Variants in DNAH2 observed in about 807,000 individuals in gnomAD.
DNAH2 encodes axonemal beta dynein heavy chain 2.
DNAH2 carries 323 observed loss-of-function variants against 523.5 expected under a neutral mutation model. The ratio of observed to expected loss-of-function variants is 0.62; its 90% CI spans 0.56 to 0.68. The LOEUF is 0.68. DNAH2 is among the 30% of genes least tolerant of loss of function. The pLI, the probability that DNAH2 is intolerant of heterozygous loss-of-function variation, is 0.00. For missense variants in DNAH2, 4,907 were observed against 5,701.5 expected (o/e 0.86, Z 4.49); for synonymous variants, 2,093 against 2,177.4 (o/e 0.96, Z 1.08).
At chr17:7,785,141 GC>G (rs1355703096) in intron 39 of DNAH2, among the ~76,000 whole-genome samples, 1 of 143,174 alleles carries the variant, frequency 7.0e-6, no homozygotes, top group Non-Finnish European at 1.5e-5. Context: ...AAGCTCTGTT[GC>G]CCAGGCTGGA....
intron 2 of DNAH2, among the ~76,000 whole-genome samples, chr17:7,721,183 T>C (rs2074593931): frequency 1.3e-5 from 2 of 151,804 alleles, no homozygotes; most frequent in Admixed American, 1.3e-4. Context: ...TTATTTTTTT[T>C]ATTTTTTTGA....
rs943590471 is a variant in DNAH2 at position 7,742,838 on chromosome 17, G to A, written c.1690-90G>A. ...TTATGCATATTGTTGGGGTATGTGC[G>A]CATGCGCGCATGTGTAGGTCTCAGG... On this transcript the variant is annotated intron_variant, in intron 11 of 85. Coordinates refer to ENST00000572933, the MANE Select transcript of DNAH2 (RefSeq NM_020877.5). The A allele has an allele frequency of 5.7e-4, 501 of 881,518 alleles. 1 individual carries two copies. The highest frequency in any genetic ancestry group is 4.0e-4 in the Non-Finnish European group (249 of 627,622). The allele number at this position is 881,518 out of a possible 1,614,324, so 54.6% of individuals were successfully genotyped here. A position where few individuals can be genotyped will look rare whatever the true frequency, so the allele number is the denominator to read the frequency against.
At chr17:7,781,964 C>T (rs2076614822) in intron 39 of DNAH2, among the ~76,000 whole-genome samples, 1 of 152,180 alleles carries the variant, frequency 6.6e-6, no homozygotes, top group Non-Finnish European at 1.5e-5. Flanking sequence ...TCAATTGAAA[C>T]TACTAAAATG....
rs2075163522 is a variant in DNAH2, at chr17:7,737,071, G to A, written c.983G>A (p.Gly328Asp). The change falls in exon 8 of 86, where the codon GGC (glycine) becomes GAC (aspartate). Residue 328 changes from glycine to aspartate, a missense_variant. Physicochemically the swap from Gly to Asp is moderately conservative, Grantham distance 94 (BLOSUM62 -1). Coordinates refer to ENST00000572933, the MANE Select transcript of DNAH2 (RefSeq NM_020877.5). ...CTCATCTCTCTTTACTGCCAGGATG[G>A]CTCTCGTCAAGCACAGTCAAACCTG... ...FMKLAQQIQD[G>D]SRQAQSNLTF... 4 of 1,612,890 alleles carry A rather than the reference G, an allele frequency of 2.5e-6. No individual in the cohort carries two copies. The highest frequency in any genetic ancestry group is 2.5e-6 in the Non-Finnish European group (3 of 1,179,120).
chr17:7,727,111 T>C lies in DNAH2; in HGVS notation c.229-11T>C. On this transcript the variant is annotated splice_polypyrimidine_tract_variant and intron_variant, in intron 3 of 85. Coordinates refer to ENST00000572933, the MANE Select transcript of DNAH2 (RefSeq NM_020877.5). ...TTGTAGTTACTTTGGCCCTCTGCTC[T>C]CCTTCTGTAGAAGCCCCTCTTCCTT... is the stretch of plus-strand genomic sequence containing the variant. The C allele has an allele frequency of 3.9e-6, 6 of 1,538,488 alleles. No homozygotes were observed. The highest frequency in any genetic ancestry group is 5.2e-6 in the Non-Finnish European group (6 of 1,150,280).
intron 49 of DNAH2, among the ~76,000 whole-genome samples, chr17:7,796,125 C>T (rs1381079304): frequency 6.7e-6 from 1 of 148,436 alleles, no homozygotes; most frequent in African/African-American, 2.5e-5. Context: ...GTTGGCTCAC[C>T]GCAACCTCCG....
Position 7,821,213 on chromosome 17 carries a change from C to T in DNAH2, c.11016-30C>T. Reference sequence around the variant, plus strand: ...AGCATCAGCCCCCATTCCATGCTGCCCCTCCCTCTTCCCTGTCCCTTTCTC... The same window carrying T: ...AGCATCAGCCCCCATTCCATGCTGCTCCTCCCTCTTCCCTGTCCCTTTCTC... On this transcript the variant is annotated intron_variant, in intron 72 of 85. Transcript: ENST00000572933. This position sits in a 1 kb window ranked among gnomAD's most constrained non-coding sequence, Gnocchi z 5.0. 2 of 1,605,026 alleles carry T rather than the reference C, an allele frequency of 1.2e-6. No homozygotes were observed. Among genetic ancestry groups the T allele is most frequent in the Non-Finnish European group, 8.5e-7 (1 of 1,173,972 alleles).
In DNAH2 at chr17:7,786,331, A is replaced by G. The variant is rs762096864; in HGVS notation, c.6337A>G (p.Asn2113Asp). Reference sequence around the variant, plus strand: ...GTGCCGCGCCGGAGACCCTAACTTCAACATTGTTAGAGTACGGGGCTGGGA... The same window carrying G: ...GTGCCGCGCCGGAGACCCTAACTTCGACATTGTTAGAGTACGGGGCTGGGA... ...SLCRAGDPNF[N>D]IVREFPLNPK... The change falls in exon 40 of 86, where the codon AAC becomes GAC. Residue 2113 changes from asparagine (N) to aspartate (D), a missense_variant. Physicochemically the swap from Asn to Asp is conservative, Grantham distance 23. Coordinates refer to ENST00000572933, the MANE Select transcript of DNAH2 (RefSeq NM_020877.5). The surrounding 1 kb of genome is among the most constrained non-coding windows in gnomAD (Gnocchi z 7.5). 2 of 1,612,416 alleles carry G rather than the reference A, an allele frequency of 1.2e-6. No homozygotes were observed. Among genetic ancestry groups the G allele is most frequent in the Non-Finnish European group, 1.7e-6 (2 of 1,179,930 alleles).
rs766811062 is a variant in DNAH2 at position 7,727,754 on chromosome 17, C to CAAAAAAAA, written c.399+479_399+486dup. ...CTGGTGACAGAGAAAGACTCTGTCT[C>CAAAAAAAA]AAAAAAAAAAAAAAAAAAAAAAAAG... is the stretch of plus-strand genomic sequence containing the variant. On this transcript the variant is annotated intron_variant, in intron 4 of 85. Transcript: ENST00000572933. Among the ~76,000 whole-genome samples the CAAAAAAAA allele has an allele frequency of 4.7e-3, 231 of 48,962 alleles. 7 individuals carry two copies. The highest frequency in any genetic ancestry group is 0.018 in the African/African-American group (218 of 11,984). The allele number at this position is 48,962 out of a possible 152,430, so 32.1% of individuals were successfully genotyped here. A position where few individuals can be genotyped will look rare whatever the true frequency, so the allele number is the denominator to read the frequency against.
At chr17:7,741,818 C>T (rs1386900816) in intron 11 of DNAH2, among the ~76,000 whole-genome samples, 2 of 151,614 alleles carry the variant, frequency 1.3e-5, no homozygotes, top group African/African-American at 4.8e-5. Flanking sequence ...CATGCACCAC[C>T]ACGCCCGGCT....
chr17:7,793,936 G>A (rs2076992194), intron 48 of DNAH2, among the ~76,000 whole-genome samples: 1 of 152,120 alleles, frequency 6.6e-6, no homozygotes, highest in South Asian at 2.1e-4. Flanking sequence ...AAGAGAAAAA[G>A]AAGAAAGAGA....
intron 72 of DNAH2, among the ~76,000 whole-genome samples, chr17:7,820,155 G>C (rs2077814395): frequency 6.6e-6 from 1 of 152,070 alleles, no homozygotes; most frequent in Non-Finnish European, 1.5e-5. Context: ...GCAGTCACCA[G>C]GTTTTGTTCA....
intron 39 of DNAH2, among the ~76,000 whole-genome samples, chr17:7,782,671 T>C (rs927477780): frequency 4.6e-5 from 7 of 152,088 alleles, no homozygotes; most frequent in African/African-American, 1.7e-4. Context: ...ACTTCAGATA[T>C]TGAAACTGAT....
At chr17:7,790,734 C>G (rs1046961092) in intron 44 of DNAH2, among the ~76,000 whole-genome samples, 1 of 149,228 alleles carries the variant, frequency 6.7e-6, no homozygotes, top group Non-Finnish European at 1.5e-5. Flanking sequence ...TTTTAAGAGA[C>G]AGGGTCTTGC....
intron 56 of DNAH2, among the ~76,000 whole-genome samples, chr17:7,799,974 C>G (rs1479255775): frequency 6.6e-6 from 1 of 152,252 alleles, no homozygotes; most frequent in Non-Finnish European, 1.5e-5. Flanking sequence ...ACCATTGCTC[C>G]CCATTCCCTC....
At chr17:7,775,404 G>T (rs909954685) in intron 30 of DNAH2, 62 bp downstream of exon 30, 196 of 1,515,316 alleles carry the variant, frequency 1.3e-4, no homozygotes, top group Admixed American at 3.6e-4. Context: ...AGTTCACCTG[G>T]GTCGGGCGCA....
intron 8 of DNAH2, among the ~76,000 whole-genome samples, chr17:7,739,207 A>G (rs528156744): frequency 3.3e-5 from 5 of 152,260 alleles, no homozygotes; most frequent in Non-Finnish European, 7.4e-5. Flanking sequence ...GCAGTTCGAG[A>G]CCAGCCTGGC....
At chr17:7,722,186 A>AC (rs1567596088) in intron 2 of DNAH2, among the ~76,000 whole-genome samples, 1 of 30,264 alleles carries the variant, frequency 3.3e-5, no homozygotes. Context: ...TTTTATAGAG[A>AC]CGGGGGGGGG....
chr17:7,770,563 C>T lies in DNAH2; in HGVS notation c.4105C>T (p.Gln1369Ter). Reference sequence around the variant, plus strand: ...CCCCAATTTCTCTCCACAGGCTTTACAAAACATTGCCAAGACCTGGGATGT... The same window carrying T: ...CCCCAATTTCTCTCCACAGGCTTTATAAAACATTGCCAAGACCTGGGATGT... ...TKELAIEVAL[Q>*]NIAKTWDVTQ... Residue 1369 changes from glutamine to a stop codon, truncating the protein, a stop_gained, in exon 26 of 86, where the codon CAA becomes TAA. Coordinates refer to ENST00000572933, the MANE Select transcript of DNAH2 (RefSeq NM_020877.5). LOFTEE classifies it high-confidence loss of function. 5.0e-6 allele frequency: 8 copies of T among 1,614,120 alleles called. No individual in the cohort carries two copies. The highest frequency in any genetic ancestry group is 5.9e-6 in the Non-Finnish European group (7 of 1,180,030).
Sources: gnomAD v4.1 joint callset for allele counts (sites outside exome capture counted in the v4.1 genomes callset) on GRCh38, gnomAD v4.1.1 for gene constraint, Gnocchi (gnomAD v3.1) non-coding constraint, MANE v1.5 for transcripts, NCBI Gene and HGNC (gene_info 2026-07-23, HGNC 2026-07-21) for gene names.